TECTA: variants seen among roughly 807,000 people sequenced by gnomAD.
The protein encoded by TECTA is alpha-tectorin.
TECTA carries 128 observed loss-of-function variants against 216.8 expected under a neutral mutation model. The ratio of observed to expected loss-of-function variants is 0.59; its 90% confidence interval spans 0.51 to 0.68. The LOEUF (loss-of-function observed/expected upper bound fraction) is 0.68. TECTA is among the 30% of genes least tolerant of loss of function. The pLI is 0.00. For synonymous variants in TECTA, 1,089 were observed against 1,117.1 expected, an observed-to-expected ratio of 0.97 and a Z score of 0.50; for missense variants, 2,551 against 2,786.2, an observed-to-expected ratio of 0.92 and a Z score of 1.90.
At chr11:121,109,076 G>T (rs1218044889) in intron 3 of TECTA, 135 bp from the exon 4 acceptor site, 1 of 923,778 alleles carries the variant, frequency 1.1e-6, no homozygotes, top group East Asian at 2.6e-5. Context: ...ATGGAACCCG[G>T]TGTTTGGGGG....
intron 20 of TECTA, among the ~76,000 whole-genome samples, chr11:121,186,197 G>T (rs1377421895): frequency 1.3e-5 from 2 of 151,998 alleles, no homozygotes; most frequent in African/African-American, 4.8e-5. Flanking sequence ...AATGCTTAAT[G>T]AATGAGCTGC....
At position 121,187,867 on chromosome 11, in the gene TECTA, AG is replaced by A. The variant is rs1281790755; in HGVS notation, c.6037del (p.Glu2013ArgfsTer6). Reference sequence around the variant, plus strand: ...CTCAAAGATAACACCATTGGCATCGAGGAGAATGCAGTCTCCCTGACCTGTC... The same window carrying A: ...CTCAAAGATAACACCATTGGCATCGAGAGAATGCAGTCTCCCTGACCTGTC... The part of the protein sequence containing the change: ...QNLKDNTIGI[E>X]ENAVSLTCRF... On this transcript the variant is annotated frameshift_variant, in exon 21 of 24. Coordinates refer to ENST00000392793, the MANE Select transcript of TECTA (RefSeq NM_005422.4). LOFTEE classifies it high-confidence loss of function. 1 of 1,614,254 alleles carries A rather than the reference AG, an allele frequency of 6.2e-7. No homozygotes were observed. Among genetic ancestry groups the A allele is most frequent in the South Asian group, 1.1e-5 (1 of 91,078 alleles).
At chr11:121,154,610 G>C (rs1946923692) in intron 13 of TECTA, among the ~76,000 whole-genome samples, 1 of 152,198 alleles carries the variant, frequency 6.6e-6, no homozygotes, top group Non-Finnish European at 1.5e-5. Flanking sequence ...CAGGCATCCT[G>C]AGTGTCAGTG....
In TECTA at chr11:121,130,147, G is replaced by A; in HGVS notation, c.2877G>A (p.Arg959=). The change falls in exon 10 of 24, where the codon CGG becomes CGA. Residue 959 remains arginine (R), a synonymous_variant. Coordinates refer to ENST00000392793, the MANE Select transcript of TECTA (RefSeq NM_005422.4). ...CAGAGCTCTGTGACTCTGTGGCCCG[G>A]TATGCAAGCGCCTGCAAGAATGCGG... ...NESELCDSVA[R]YASACKNADV... 6.2e-7 allele frequency: 1 copy of A among 1,608,628 alleles called. No homozygotes were observed. Among genetic ancestry groups the A allele is most frequent in the Non-Finnish European group, 8.5e-7 (1 of 1,179,990 alleles).
chr11:121,133,690 A>G (rs1361440452), intron 10 of TECTA, among the ~76,000 whole-genome samples: 1 of 152,178 alleles, frequency 6.6e-6, no homozygotes, highest in Non-Finnish European at 1.5e-5. Flanking sequence ...TCAGCTGTGC[A>G]TCTCCACTCA....
chr11:121,137,552 C>T lies in TECTA; in HGVS notation c.3073C>T (p.Leu1025=), dbSNP rs777280810. ...EGCQCDEGYA[L]LGSQCVTRSE... is the part of the protein sequence containing the mutation. ...ATGTCAGTGTGATGAGGGCTATGCT[C>T]TACTGGGCAGCCAGTGTGTCACGCG... The change falls in exon 11 of 24, where the codon CTA becomes TTA. Residue 1025 remains leucine (L), a synonymous_variant. Coordinates refer to ENST00000392793, the MANE Select transcript of TECTA (RefSeq NM_005422.4). The T allele has an allele frequency of 1.9e-6, 3 of 1,613,814 alleles. No homozygotes were observed. Among genetic ancestry groups the T allele is most frequent in the South Asian group, 1.1e-5 (1 of 91,070 alleles).
At chr11:121,123,874 C>G (rs1946582632) in intron 7 of TECTA, among the ~76,000 whole-genome samples, 1 of 152,176 alleles carries the variant, frequency 6.6e-6, no homozygotes, top group Admixed American at 6.5e-5. Flanking sequence ...CTCCTGCTGT[C>G]TCTCTCCAGC....
In TECTA at chr11:121,145,574, A is replaced by G; in HGVS notation, c.3563A>G (p.Tyr1188Cys). ...HTVLVNSERL[Y>C]LPLKLGQGKI... ...TTACAGGTCAACAGTGAACGGCTCT[A>G]TCTGCCCCTGAAGCTGGGGCAAGGG... Residue 1188 changes from tyrosine to cysteine, a missense_variant, in exon 12 of 24, where the codon TAT becomes TGT. Physicochemically the swap from Tyr to Cys is radical, Grantham distance 194. Coordinates refer to ENST00000392793, the MANE Select transcript of TECTA (RefSeq NM_005422.4). 1 of 1,614,214 alleles carries G rather than the reference A, an allele frequency of 6.2e-7. No individual in the cohort carries two copies. Among genetic ancestry groups the G allele is most frequent in the Non-Finnish European group, 8.5e-7 (1 of 1,180,034 alleles).
chr11:121,138,058 G>A (rs371588119), intron 11 of TECTA, 36 bp downstream of exon 11: 55 of 1,612,604 alleles, frequency 3.4e-5, no homozygotes, highest in East Asian at 2.5e-4. Context: ...AAGGGGAATC[G>A]TGGAGACGTC....
chr11:121,139,750 G>C (rs1946766275), intron 11 of TECTA, among the ~76,000 whole-genome samples: 1 of 152,048 alleles, frequency 6.6e-6, no homozygotes, highest in Non-Finnish European at 1.5e-5. Context: ...GGGTTCCCAT[G>C]ATTTTGTCAC....
At chr11:121,116,186 T>C (rs537453610) in intron 6 of TECTA, among the ~76,000 whole-genome samples, 8 of 152,310 alleles carry the variant, frequency 5.3e-5, no homozygotes, top group African/African-American at 1.7e-4. Context: ...AATAATCTAG[T>C]TCCAGAGCTC....
chr11:121,168,276 G>T, intron 19 of TECTA, 59 bp downstream of exon 19: 1 of 1,608,438 alleles, frequency 6.2e-7, no homozygotes, highest in Non-Finnish European at 8.5e-7. Context: ...GTTAAGGTTA[G>T]CATAATCAAA....
At chr11:121,119,008 C>CT (rs1946530641) in intron 7 of TECTA, among the ~76,000 whole-genome samples, 1 of 149,848 alleles carries the variant, frequency 6.7e-6, no homozygotes, top group African/African-American at 2.5e-5. Context: ...CACACACACA[C>CT]ACACACACAC....
chr11:121,109,511 A>G lies in TECTA; in HGVS notation c.486+13A>G, dbSNP rs1205395775. On this transcript the variant is annotated intron_variant, in intron 4 of 23. Coordinates refer to ENST00000392793, the MANE Select transcript of TECTA (RefSeq NM_005422.4). ...CAGCACCACACCTGTAATAATTCAA[A>G]TTTTCTGCTTTCCACTTCATAACCT... 6.2e-7 allele frequency: 1 copy of G among 1,614,022 alleles called. No individual in the cohort carries two copies. Among genetic ancestry groups the G allele is most frequent in the East Asian group, 2.2e-5 (1 of 44,884 alleles).
intron 10 of TECTA, among the ~76,000 whole-genome samples, chr11:121,130,483 G>A (rs1946663440): frequency 6.6e-6 from 1 of 152,132 alleles, no homozygotes; most frequent in African/African-American, 2.4e-5. Context: ...CTAGCAGAGG[G>A]TAGAGGCACC....
chr11:121,179,974 G>GTTTTTTTTTTTTT (rs368080288), intron 20 of TECTA, among the ~76,000 whole-genome samples: 1 of 120,692 alleles, frequency 8.3e-6, no homozygotes. Context: ...TTGTTTGTTT[G>GTTTTTTTTTTTTT]TTTTTTTTTT....
At chr11:121,182,889 C>T (rs943608175) in intron 20 of TECTA, among the ~76,000 whole-genome samples, 1 of 152,124 alleles carries the variant, frequency 6.6e-6, no homozygotes, top group African/African-American at 2.4e-5. Context: ...TCCTCAGGCC[C>T]CATGACAGCA....
intron 20 of TECTA, among the ~76,000 whole-genome samples, chr11:121,181,257 A>G (rs1191552462): frequency 1.3e-5 from 2 of 152,022 alleles, no homozygotes; most frequent in Non-Finnish European, 2.9e-5. Context: ...TTCAGTTCCA[A>G]AATTTCTGTT....
At chr11:121,108,173 T>A (rs1177339659) in intron 3 of TECTA, among the ~76,000 whole-genome samples, 1 of 152,116 alleles carries the variant, frequency 6.6e-6, no homozygotes, top group Admixed American at 6.5e-5. Flanking sequence ...TTTACTTCCA[T>A]GCTTATTTAT....
Sources: allele counts gnomAD v4.1 joint callset (sites outside exome capture counted in the v4.1 genomes callset), GRCh38; gene constraint gnomAD v4.1.1; transcripts MANE v1.5; gene names NCBI Gene and HGNC (gene_info 2026-07-23, HGNC 2026-07-21).